The following TBC1D5 variants were observed in gnomAD, a reference collection of about 807,000 sequenced individuals.
The protein encoded by TBC1D5 is TBC1 domain family, member 5.
In TBC1D5, 75 loss-of-function variants were observed where a neutral mutation model predicts 100.3. The ratio of observed to expected loss-of-function variants is 0.75; its 90% CI spans 0.62 to 0.91. The LOEUF (loss-of-function observed/expected upper bound fraction) is 0.91. TBC1D5 is among the 40% of genes least tolerant of loss of function. The probability of loss-of-function intolerance (pLI) is 0.00; values close to 1 mark genes in which losing one functional copy is unlikely to be tolerated. For synonymous variants in TBC1D5, 323 were observed against 325.6 expected, an observed-to-expected ratio of 0.99 and a Z score of 0.09; for missense variants, 910 against 942.4, an observed-to-expected ratio of 0.97 and a Z score of 0.45.
intron 14 of TBC1D5, among the ~76,000 whole-genome samples, chr3:17,294,708 A>G (rs1301789195): frequency 6.6e-6 from 1 of 152,240 alleles, no homozygotes; most frequent in Non-Finnish European, 1.5e-5. Context: ...TCCAGAGACT[A>G]TGCTAGGCAC....
intron 1 of TBC1D5, among the ~76,000 whole-genome samples, chr3:17,739,171 T>A (rs1025443711): frequency 2.6e-5 from 4 of 152,078 alleles, no homozygotes; most frequent in African/African-American, 9.7e-5. Context: ...ACACTGCCAT[T>A]CCAATGATCT....
At chr3:17,691,326 T>C (rs1359272985) in intron 1 of TBC1D5, among the ~76,000 whole-genome samples, 2 of 152,186 alleles carry the variant, frequency 1.3e-5, no homozygotes, top group South Asian at 2.1e-4. Context: ...CTCTATAATT[T>C]TGTCACTTCT....
chr3:17,173,699 T>C (rs914978460), intron 19 of TBC1D5, among the ~76,000 whole-genome samples: 2 of 152,190 alleles, frequency 1.3e-5, no homozygotes, highest in African/African-American at 2.4e-5. Context: ...GATTCTGTTT[T>C]TTGAGGCTTT....
intron 2 of TBC1D5, among the ~76,000 whole-genome samples, chr3:17,532,871 G>T (rs1173418645): frequency 6.6e-6 from 1 of 151,576 alleles, no homozygotes; most frequent in Non-Finnish European, 1.5e-5. Flanking sequence ...AGCATTAGGA[G>T]ATATAGCGAA....
chr3:17,225,329 T>C (rs1401491043), intron 17 of TBC1D5, among the ~76,000 whole-genome samples: 2 of 150,884 alleles, frequency 1.3e-5, no homozygotes, highest in Non-Finnish European at 3.0e-5. Flanking sequence ...ATCCCAGCTA[T>C]TCAGGAGGCT....
intron 16 of TBC1D5, among the ~76,000 whole-genome samples, chr3:17,247,445 TA>T (rs922408910): frequency 1.3e-5 from 2 of 152,154 alleles, no homozygotes; most frequent in Non-Finnish European, 2.9e-5. Flanking sequence ...AAATACTAAT[TA>T]AAAAAATACT....
intron 4 of TBC1D5, among the ~76,000 whole-genome samples, chr3:17,409,416 T>C (rs1191371163): frequency 1.3e-5 from 2 of 152,030 alleles, no homozygotes; most frequent in Non-Finnish European, 2.9e-5. Context: ...CCTCCCTAAT[T>C]AATAATGCTA....
At chr3:17,299,644 G>A (rs1386283415) in intron 14 of TBC1D5, among the ~76,000 whole-genome samples, 1 of 152,060 alleles carries the variant, frequency 6.6e-6, no homozygotes, top group African/African-American at 2.4e-5. Flanking sequence ...GGATCACAAG[G>A]TCAGGAGATG....
At chr3:17,343,178 C>A (rs7610316) in intron 13 of TBC1D5, among the ~76,000 whole-genome samples, 13,152 of 150,892 alleles carry the variant, frequency 0.087, 1,115 homozygotes, top group African/African-American at 0.25. Flanking sequence ...TAGCATGAAG[C>A]GTTGTTGAAT....
At chr3:17,705,061 C>CT (rs2073868646) in intron 1 of TBC1D5, among the ~76,000 whole-genome samples, 1 of 130,358 alleles carries the variant, frequency 7.7e-6, no homozygotes. Context: ...CTGACCCCCC[C>CT]ACCTCCCTCC....
At chr3:17,693,505 C>T (rs958372186) in intron 1 of TBC1D5, among the ~76,000 whole-genome samples, 1 of 152,216 alleles carries the variant, frequency 6.6e-6, no homozygotes, top group Non-Finnish European at 1.5e-5. Context: ...GAGATTGAAC[C>T]ACGAGGCGGC....
intron 3 of TBC1D5, among the ~76,000 whole-genome samples, chr3:17,488,311 CTTA>C (rs1490460574): frequency 2.0e-5 from 3 of 152,162 alleles, no homozygotes; most frequent in Non-Finnish European, 4.4e-5. Flanking sequence ...GCTTTGATAA[CTTA>C]TTCTTTTTAT....
At chr3:17,570,210 G>T (rs2096618405) in intron 2 of TBC1D5, among the ~76,000 whole-genome samples, 1 of 151,956 alleles carries the variant, frequency 6.6e-6, no homozygotes, top group Admixed American at 6.6e-5. Context: ...TTTAAAAATA[G>T]TAAGCAAGAA....
chr3:17,701,084 T>C (rs1278121778), intron 1 of TBC1D5, among the ~76,000 whole-genome samples: 1 of 152,122 alleles, frequency 6.6e-6, no homozygotes, highest in Non-Finnish European at 1.5e-5. Context: ...CCAACCCAAA[T>C]GTCCATCAAT....
At chr3:17,543,618 A>G (rs2056135191) in intron 2 of TBC1D5, among the ~76,000 whole-genome samples, 1 of 152,184 alleles carries the variant, frequency 6.6e-6, no homozygotes, top group Admixed American at 6.5e-5. Context: ...AGCCTGGGTG[A>G]CAAAGCAAGA....
chr3:17,676,811 C>T (rs1213701140), intron 1 of TBC1D5, among the ~76,000 whole-genome samples: 6 of 152,106 alleles, frequency 3.9e-5, no homozygotes, highest in African/African-American at 1.2e-4. Context: ...GAGATATAGA[C>T]CAATGGAACA....
chr3:17,263,828 A>G (rs1432433182), intron 15 of TBC1D5, among the ~76,000 whole-genome samples: 1 of 152,258 alleles, frequency 6.6e-6, no homozygotes. Context: ...GCTTCTGTTA[A>G]TTTAGCATCA....
chr3:17,408,000 T>C (rs2093818649), intron 4 of TBC1D5, among the ~76,000 whole-genome samples: 1 of 152,140 alleles, frequency 6.6e-6, no homozygotes, highest in South Asian at 2.1e-4. Context: ...TAAAACCTGC[T>C]TTTTGCCCTT....
At chr3:17,544,392 C>T (rs879455532) in intron 2 of TBC1D5, among the ~76,000 whole-genome samples, 1 of 152,162 alleles carries the variant, frequency 6.6e-6, no homozygotes, top group East Asian at 1.9e-4. Context: ...CTGGCTCACG[C>T]TTGTAATCCC....
Sources: allele counts gnomAD v4.1 joint callset (sites outside exome capture counted in the v4.1 genomes callset), GRCh38; gene constraint gnomAD v4.1.1; transcripts MANE v1.5; gene names NCBI Gene and HGNC (gene_info 2026-07-23, HGNC 2026-07-21).